The following AKAP6 variants were observed in gnomAD, a reference collection of about 807,000 sequenced individuals.
The protein encoded by AKAP6 is A-kinase anchor protein 6.
Under a neutral mutation model 188.5 loss-of-function variants are expected in AKAP6, and 58 were observed. That is an observed-to-expected ratio of 0.31 (90% CI 0.25 to 0.38). The LOEUF is 0.38. Ranked by LOEUF, AKAP6 falls within the 10% of genes least tolerant of loss-of-function variation. The probability of loss-of-function intolerance (pLI) is 1.00; values close to 1 mark genes in which losing one functional copy is unlikely to be tolerated. For synonymous variants in AKAP6, 989 were observed against 998.6 expected (o/e 0.99, Z 0.18); for missense variants, 2,710 against 2,740.0 (o/e 0.99, Z 0.24).
intron 2 of AKAP6, among the ~76,000 whole-genome samples, chr14:32,528,053 T>C (rs1031769496): frequency 6.6e-6 from 1 of 151,684 alleles, no homozygotes; most frequent in Non-Finnish European, 1.5e-5. Flanking sequence ...TTTTCTTCTA[T>C]GATATCTTAT....
rs762412715 is a variant in AKAP6, at chr14:32,815,636, T to C, written c.3589-5766T>C. Among the ~76,000 whole-genome samples, 42 of 152,290 alleles carry C rather than the reference T, an allele frequency of 2.8e-4. 1 individual carries two copies. The highest frequency in any genetic ancestry group is 3.4e-3 in the Middle Eastern group (1 of 294). On this transcript the variant is annotated intron_variant, in intron 12 of 13. Transcript: ENST00000280979. ...ATCAATGTTTCTTTCTTTGACTCTTTGGTCGTACCAAAGAGATTAGTCAAC... is the reference window on the plus strand; with the variant it reads ...ATCAATGTTTCTTTCTTTGACTCTTCGGTCGTACCAAAGAGATTAGTCAAC...
In AKAP6 at chr14:32,546,762, C is replaced by T. The variant is rs975076727; in HGVS notation, c.2109C>T (p.Asp703=). ...LGRVSPSSSS[D]IASSLGESIE... The stretch of plus-strand genomic sequence containing the variant: ...GGGTGTCTCCAAGCTCATCTAGTGA[C>T]ATAGCCTCTTCACTAGGGGAGAGCA... The change falls in exon 4 of 14, where the codon GAC becomes GAT. Residue 703 remains aspartate, a synonymous_variant. Coordinates refer to ENST00000280979, the MANE Select transcript of AKAP6 (RefSeq NM_004274.5). 1.9e-6 allele frequency: 3 copies of T among 1,613,984 alleles called. No homozygotes were observed. Among genetic ancestry groups the T allele is most frequent in the African/African-American group, 2.7e-5 (2 of 74,912 alleles).
At chr14:32,800,561 T>G (rs1327151686) in intron 12 of AKAP6, among the ~76,000 whole-genome samples, 1 of 152,184 alleles carries the variant, frequency 6.6e-6, no homozygotes, top group Non-Finnish European at 1.5e-5. Context: ...ACTCATATAT[T>G]ATTGTGTAAT....
chr14:32,730,832 C>T (rs1383048177), intron 9 of AKAP6, among the ~76,000 whole-genome samples: 1 of 152,168 alleles, frequency 6.6e-6, no homozygotes, highest in Non-Finnish European at 1.5e-5. Flanking sequence ...AATCATCGCT[C>T]TGACAAATAA....
intron 1 of AKAP6, among the ~76,000 whole-genome samples, chr14:32,363,434 G>A (rs552939243): frequency 6.6e-6 from 1 of 152,328 alleles, no homozygotes; most frequent in South Asian, 2.1e-4. Context: ...CAAGCTGAGA[G>A]CAAGGAAGCC....
At chr14:32,431,901 T>A (rs766332176) in intron 1 of AKAP6, among the ~76,000 whole-genome samples, 2 of 152,152 alleles carry the variant, frequency 1.3e-5, no homozygotes, top group Non-Finnish European at 2.9e-5. Context: ...TCTGAAAAAA[T>A]ATGTCATAGG....
chr14:32,640,380 T>C (rs1887701921), intron 7 of AKAP6, among the ~76,000 whole-genome samples: 1 of 152,118 alleles, frequency 6.6e-6, no homozygotes, highest in Non-Finnish European at 1.5e-5. Context: ...CATTTTAAAA[T>C]CACTCCAGAG....
chr14:32,361,049 T>C (rs1251823423), intron 1 of AKAP6, among the ~76,000 whole-genome samples: 2 of 141,894 alleles, frequency 1.4e-5, no homozygotes, highest in African/African-American at 5.7e-5. Flanking sequence ...GCACAAGGCC[T>C]GAACATACAT....
intron 5 of AKAP6, among the ~76,000 whole-genome samples, chr14:32,586,702 A>G (rs1017784231): frequency 3.3e-5 from 5 of 152,236 alleles, no homozygotes; most frequent in African/African-American, 9.6e-5. Flanking sequence ...TTCGAAGTCA[A>G]TAAATATAGA....
At chr14:32,760,368 T>C (rs990917541) in intron 11 of AKAP6, among the ~76,000 whole-genome samples, 1 of 152,220 alleles carries the variant, frequency 6.6e-6, no homozygotes, top group African/African-American at 2.4e-5. Flanking sequence ...CAGAAGATGT[T>C]AGAGCCTAAA....
At chr14:32,459,856 G>T (rs936097504) in intron 2 of AKAP6, among the ~76,000 whole-genome samples, 3 of 151,724 alleles carry the variant, frequency 2.0e-5, no homozygotes, top group African/African-American at 7.3e-5. Flanking sequence ...AGACAAACTT[G>T]CAAGAAATAA....
intron 7 of AKAP6, among the ~76,000 whole-genome samples, chr14:32,665,505 C>T (rs541435483): frequency 3.3e-5 from 5 of 152,236 alleles, no homozygotes; most frequent in East Asian, 3.9e-4. Context: ...CCTTCCTGGG[C>T]GTGTCACCCT....
At chr14:32,406,954 C>A (rs1889316340) in intron 1 of AKAP6, among the ~76,000 whole-genome samples, 1 of 152,194 alleles carries the variant, frequency 6.6e-6, no homozygotes, top group Non-Finnish European at 1.5e-5. Context: ...CAAATGAAAA[C>A]CTTGGAAGTT....
At chr14:32,444,322 C>G (rs1035884838) in intron 2 of AKAP6, among the ~76,000 whole-genome samples, 19 of 152,006 alleles carry the variant, frequency 1.2e-4, no homozygotes, top group African/African-American at 4.6e-4. Flanking sequence ...GAGTTAGAGG[C>G]AATTGGTTTT....
intron 1 of AKAP6, among the ~76,000 whole-genome samples, chr14:32,430,947 A>C (rs1156835808): frequency 3.3e-5 from 5 of 152,068 alleles, no homozygotes; most frequent in Non-Finnish European, 5.9e-5. Flanking sequence ...TCTACTAAAA[A>C]AAGTACAATT....
chr14:32,782,045 A>C (rs556585807), intron 12 of AKAP6, among the ~76,000 whole-genome samples: 131 of 152,026 alleles, frequency 8.6e-4, no homozygotes, highest in African/African-American at 3.1e-3. Context: ...CGCGCCTGTA[A>C]TCCCAGCTAC....
intron 2 of AKAP6, among the ~76,000 whole-genome samples, chr14:32,478,458 C>G (rs1879181160): frequency 6.6e-6 from 1 of 152,154 alleles, no homozygotes; most frequent in Admixed American, 6.5e-5. Flanking sequence ...CACTAACAGC[C>G]TGTGGGTGAC....
chr14:32,689,804 A>G (rs1186107808), intron 8 of AKAP6, among the ~76,000 whole-genome samples: 1 of 152,120 alleles, frequency 6.6e-6, no homozygotes, highest in African/African-American at 2.4e-5. Flanking sequence ...AAATACTTAA[A>G]CTATATTTTT....
At chr14:32,444,522 C>G (rs1327286603) in intron 2 of AKAP6, among the ~76,000 whole-genome samples, 1 of 152,232 alleles carries the variant, frequency 6.6e-6, no homozygotes, top group Non-Finnish European at 1.5e-5. Flanking sequence ...TAAGCTGCTT[C>G]TATTGTTCTG....
Sources: allele counts gnomAD v4.1 joint callset (sites outside exome capture counted in the v4.1 genomes callset), GRCh38; gene constraint gnomAD v4.1.1; transcripts MANE v1.5; gene names NCBI Gene and HGNC (gene_info 2026-07-23, HGNC 2026-07-21).